DNAJC1: variants seen among roughly 807,000 people sequenced by gnomAD.
The protein encoded by DNAJC1 is DnaJ heat shock protein family (Hsp40) member C1.
In DNAJC1, 58 loss-of-function variants were observed where a neutral mutation model predicts 76.6. The ratio of observed to expected loss-of-function variants is 0.76; its 90% CI spans 0.61 to 0.94. The LOEUF (loss-of-function observed/expected upper bound fraction) is 0.94, where lower values mean the gene tolerates loss of function less well. DNAJC1 is among the 40% of genes least tolerant of loss of function. The pLI, the probability that DNAJC1 is intolerant of heterozygous loss-of-function variation, is 0.00. For missense variants in DNAJC1, 689 were observed against 677.3 expected (o/e 1.02, Z -0.19); for synonymous variants, 258 against 267.9 (o/e 0.96, Z 0.36).
At chr10:21,994,717 G>A (rs1327111079) in intron 1 of DNAJC1, among the ~76,000 whole-genome samples, 3 of 152,076 alleles carry the variant, frequency 2.0e-5, no homozygotes, top group Admixed American at 6.5e-5. Flanking sequence ...CATGAATCCG[G>A]GAGGCAGAGC....
intron 8 of DNAJC1, among the ~76,000 whole-genome samples, chr10:21,864,687 G>A (rs1416770197): frequency 6.6e-6 from 1 of 151,976 alleles, no homozygotes; most frequent in Non-Finnish European, 1.5e-5. Context: ...GCGACTTTGA[G>A]TTTGGCAAAG....
At chr10:21,787,906 C>A (rs1834633091) in intron 9 of DNAJC1, among the ~76,000 whole-genome samples, 1 of 152,240 alleles carries the variant, frequency 6.6e-6, no homozygotes, top group African/African-American at 2.4e-5. Flanking sequence ...CCTGCATGGC[C>A]ACCATGCCAC....
chr10:21,759,062 G>C, intron 11 of DNAJC1, 108 bp downstream of exon 11: 9 of 1,076,016 alleles, frequency 8.4e-6, no homozygotes, highest in Non-Finnish European at 1.2e-5. Context: ...AAATCACGGG[G>C]CAGGTGTCAG....
rs949490583 is a variant in DNAJC1 at position 21,984,068 on chromosome 10, T to C, written c.222+19145A>G. On this transcript the variant is annotated intron_variant, in intron 1 of 11. Coordinates refer to ENST00000376980, the MANE Select transcript of DNAJC1 (RefSeq NM_022365.4). Reference sequence around the variant, plus strand: ...TACTGAGGCCAATAAAAAAGATATATGAAGATTAAAAACCTGAAATTCTAT... The same window carrying C: ...TACTGAGGCCAATAAAAAAGATATACGAAGATTAAAAACCTGAAATTCTAT... Among the ~76,000 whole-genome samples the C allele has an allele frequency of 2.6e-5, 4 of 152,164 alleles. No homozygotes were observed. The East Asian group carries it at 5.8e-4, about 22-fold the overall frequency.
intron 8 of DNAJC1, among the ~76,000 whole-genome samples, chr10:21,834,794 G>C (rs1190282310): frequency 6.6e-6 from 1 of 152,236 alleles, no homozygotes; most frequent in Non-Finnish European, 1.5e-5. Flanking sequence ...CCATTGCCAA[G>C]TTAGTTGTTT....
At chr10:21,984,122 C>G (rs1481389758) in intron 1 of DNAJC1, among the ~76,000 whole-genome samples, 1 of 152,072 alleles carries the variant, frequency 6.6e-6, no homozygotes, top group Non-Finnish European at 1.5e-5. Context: ...TGGTTTTCTT[C>G]TAATGTTTTT....
intron 9 of DNAJC1, among the ~76,000 whole-genome samples, chr10:21,789,063 T>G (rs111519676): frequency 4.6e-5 from 7 of 152,050 alleles, no homozygotes; most frequent in Non-Finnish European, 8.8e-5. Flanking sequence ...CACCTGGAAT[T>G]TAGCCACTGT....
rs909944670 is a variant in DNAJC1, at chr10:22,003,629, G to A, written c.-195C>T. 1.1e-5 allele frequency: 6 copies of A among 562,218 alleles called. No homozygotes were observed. In the East Asian group the frequency reaches 1.9e-4, roughly 18 times the overall value. The allele number at this position is 562,218 out of a possible 1,614,324, so 34.8% of individuals were successfully genotyped here. The stretch of plus-strand genomic sequence containing the variant: ...GAGCCGGCTGCCGGACGGGCGGGTG[G>A]GTAGGCGGGCGGGGCCGCAGCCAGC... On this transcript the variant is annotated 5_prime_UTR_variant, in exon 1 of 12. Transcript: ENST00000376980.
At chr10:21,833,679 G>T (rs183954704) in intron 8 of DNAJC1, among the ~76,000 whole-genome samples, 45 of 152,234 alleles carry the variant, frequency 3.0e-4, no homozygotes, top group African/African-American at 1.1e-3. Context: ...TACACATGAA[G>T]TGCGCAGAAC....
intron 8 of DNAJC1, among the ~76,000 whole-genome samples, chr10:21,877,029 C>G (rs759670257): frequency 5.3e-5 from 8 of 152,030 alleles, no homozygotes; most frequent in Non-Finnish European, 1.0e-4. Context: ...AATCCTAACA[C>G]TTTGGGAGGC....
At chr10:21,790,885 G>C in intron 9 of DNAJC1, among the ~76,000 whole-genome samples, 1 of 152,188 alleles carries the variant, frequency 6.6e-6, no homozygotes, top group Admixed American at 6.5e-5. Context: ...TAATAACCTT[G>C]AATATGAACA....
intron 6 of DNAJC1, among the ~76,000 whole-genome samples, chr10:21,916,382 G>A (rs569156170): frequency 5.3e-5 from 8 of 152,206 alleles, no homozygotes; most frequent in Admixed American, 2.0e-4. Flanking sequence ...CCAGCTACTC[G>A]GGAGGCTGAG....
intron 1 of DNAJC1, among the ~76,000 whole-genome samples, chr10:21,999,383 T>C (rs1038648344): frequency 2.0e-5 from 3 of 152,170 alleles, no homozygotes; most frequent in Non-Finnish European, 4.4e-5. Flanking sequence ...CTTGTATTGG[T>C]TTGCCTCCTA....
chr10:21,823,353 C>T (rs1053401957), intron 8 of DNAJC1, among the ~76,000 whole-genome samples: 1 of 152,186 alleles, frequency 6.6e-6, no homozygotes, highest in African/African-American at 2.4e-5. Context: ...AAAAACCAGT[C>T]TCACACATGG....
chr10:21,856,499 C>T (rs893547949), intron 8 of DNAJC1, among the ~76,000 whole-genome samples: 5 of 152,030 alleles, frequency 3.3e-5, no homozygotes, highest in Admixed American at 6.6e-5. Flanking sequence ...ATTCCACTTT[C>T]GGTGTTTCAC....
chr10:21,786,873 G>A (rs768459845), intron 9 of DNAJC1, among the ~76,000 whole-genome samples: 6 of 152,026 alleles, frequency 3.9e-5, no homozygotes, highest in Non-Finnish European at 8.8e-5. Context: ...CTTGTTTGTT[G>A]TATAGCTACT....
intron 9 of DNAJC1, among the ~76,000 whole-genome samples, chr10:21,772,448 T>C (rs1048956960): frequency 6.6e-6 from 1 of 152,086 alleles, no homozygotes; most frequent in African/African-American, 2.4e-5. Flanking sequence ...GATTTAGTTT[T>C]AGCAGTTTGT....
chr10:21,879,048 TAAACTAACAAGCAGGTA>T (rs1183669772), intron 8 of DNAJC1, among the ~76,000 whole-genome samples: 6 of 152,200 alleles, frequency 3.9e-5, no homozygotes, highest in Admixed American at 3.3e-4. Context: ...ATGCTATTTA[TAAACTAACAAGCAGGTA>T]AAACTACTCC....
At chr10:21,910,709 T>C (rs939816924) in intron 6 of DNAJC1, among the ~76,000 whole-genome samples, 1 of 151,766 alleles carries the variant, frequency 6.6e-6, no homozygotes, top group African/African-American at 2.4e-5. Flanking sequence ...ATAATGCATA[T>C]GGGGCTTAAT....
Sources: gnomAD v4.1 joint callset for allele counts (sites outside exome capture counted in the v4.1 genomes callset) on GRCh38, gnomAD v4.1.1 for gene constraint, MANE v1.5 for transcripts, NCBI Gene and HGNC (gene_info 2026-07-23, HGNC 2026-07-21) for gene names.